The following PCDHGA5 variants were observed in gnomAD, a reference collection of about 807,000 sequenced individuals.
PCDHGA5 encodes protocadherin gamma-A5.
In PCDHGA5, 36 loss-of-function variants were observed where a neutral mutation model predicts 56.7. The ratio of observed to expected loss-of-function variants is 0.64; its 90% CI spans 0.49 to 0.84. PCDHGA5 has a LOEUF of 0.84. Ranked by LOEUF, PCDHGA5 falls within the 40% of genes least tolerant of loss-of-function variation. The pLI is 0.00. For synonymous variants in PCDHGA5, 563 were observed against 520.2 expected (o/e 1.08, Z -1.12); for missense variants, 1,305 against 1,201.5 (o/e 1.09, Z -1.27).
chr5:141,365,469 G>T lies in PCDHGA5; in HGVS notation c.1139G>T (p.Gly380Val), dbSNP rs1162637484. The part of the protein sequence containing the change: ...SVHDGDSGEN[G>V]EIACSIPRNL... ...CATGATGGTGATTCTGGAGAAAATG[G>T]TGAGATTGCATGCTCTATTCCTAGG... The change falls in exon 1 of 4, where the codon GGT (glycine) becomes GTT (valine). Residue 380 changes from glycine to valine, a missense_variant. Coordinates refer to ENST00000518069, the MANE Select transcript of PCDHGA5 (RefSeq NM_018918.3). 6.2e-7 allele frequency: 1 copy of T among 1,614,010 alleles called. No homozygotes were observed. Among genetic ancestry groups the T allele is most frequent in the South Asian group, 1.1e-5 (1 of 91,080 alleles).
At chr5:141,422,272 A>G in intron 1 of PCDHGA5, 1 of 1,561,362 alleles carries the variant, frequency 6.4e-7, no homozygotes, top group Non-Finnish European at 8.6e-7. Context: ...TCCAGAAATA[A>G]CTATCACCTC....
rs529029548 is a variant in PCDHGA5 at position 141,483,337 on chromosome 5, T to C, written c.2422-11470T>C. 9.2e-5 allele frequency among the ~76,000 whole-genome samples: 14 copies of C among 152,260 alleles called. No homozygotes were observed. In the East Asian group the frequency reaches 2.5e-3, roughly 27 times the overall value. On this transcript the variant is annotated intron_variant, in intron 1 of 3. Transcript: ENST00000518069. Reference sequence around the variant, plus strand: ...TGGGACTGGAGGCAAAGAGATCTTATCTCTTTGCAATAGTTTGAAAGCTAT... The same window carrying C: ...TGGGACTGGAGGCAAAGAGATCTTACCTCTTTGCAATAGTTTGAAAGCTAT...
At chr5:141,393,251 G>C in intron 1 of PCDHGA5, 1 of 1,613,814 alleles carries the variant, frequency 6.2e-7, no homozygotes, top group South Asian at 1.1e-5. Flanking sequence ...ACGAAATCGC[G>C]GTTCCTGGAG....
intron 1 of PCDHGA5, chr5:141,413,902 G>A: frequency 1.9e-6 from 3 of 1,613,252 alleles, no homozygotes; most frequent in East Asian, 2.2e-5. Flanking sequence ...AAATGACAAC[G>A]CGCCGGTCTT....
Position 141,409,297 on chromosome 5 carries a change from T to TGTGAATG in PCDHGA5, c.2421+42548_2421+42549insGAATGGT, listed in dbSNP as rs774936669. On this transcript the variant is annotated intron_variant, in intron 1 of 3. Transcript: ENST00000518069. ...TGGAGAATTCACCTCCAGGAATGGT[T>TGTGAATG]GTTGCCCTCTTCAAAACACGGGATC... The TGTGAATG allele has an allele frequency of 1.3e-5, 21 of 1,613,888 alleles. No homozygotes were observed. In the African/African-American group the frequency reaches 2.7e-4, roughly 21 times the overall value.
chr5:141,421,353 G>C, intron 1 of PCDHGA5: 1 of 1,613,998 alleles, frequency 6.2e-7, no homozygotes, highest in Non-Finnish European at 8.5e-7. Flanking sequence ...AGACCGAAAA[G>C]GGCTCCTTCG....
intron 1 of PCDHGA5, chr5:141,478,144 G>A (rs2099432883): frequency 6.2e-7 from 1 of 1,613,918 alleles, no homozygotes; most frequent in Non-Finnish European, 8.5e-7. Flanking sequence ...CCCGAGCCGA[G>A]TTCCCCTCTG....
At chr5:141,454,471 A>C (rs774315258) in intron 1 of PCDHGA5, among the ~76,000 whole-genome samples, 7 of 152,198 alleles carry the variant, frequency 4.6e-5, no homozygotes, top group Non-Finnish European at 7.3e-5. Context: ...CAATGGCATG[A>C]TCTCAGCTCA....
At chr5:141,401,815 C>A (rs1217081146) in intron 1 of PCDHGA5, among the ~76,000 whole-genome samples, 1 of 152,184 alleles carries the variant, frequency 6.6e-6, no homozygotes, top group Non-Finnish European at 1.5e-5. Context: ...GGGTTCCTTA[C>A]AAAGTGCTGA....
At chr5:141,366,835 A>C (rs1011938968) in intron 1 of PCDHGA5, 84 bp downstream of exon 1, 2 of 1,511,404 alleles carry the variant, frequency 1.3e-6, no homozygotes, top group Non-Finnish European at 1.8e-6. Flanking sequence ...AGAATCAGCT[A>C]GTTATGTAAA....
intron 1 of PCDHGA5, chr5:141,384,987 G>C (rs775895766): frequency 6.2e-7 from 1 of 1,614,114 alleles, no homozygotes; most frequent in African/African-American, 1.3e-5. Context: ...TGGTGGTGGC[G>C]GTGGCCACAG....
At chr5:141,375,779 G>C (rs749559180) in intron 1 of PCDHGA5, 1 of 1,614,176 alleles carries the variant, frequency 6.2e-7, no homozygotes, top group South Asian at 1.1e-5. Flanking sequence ...CCTGTACCCC[G>C]CCCTCCCCAC....
At chr5:141,478,051 G>A (rs751371411) in intron 1 of PCDHGA5, 2 of 1,614,088 alleles carry the variant, frequency 1.2e-6, no homozygotes, top group East Asian at 2.2e-5. Context: ...AGACTCTCAC[G>A]GTCTTGATCA....
chr5:141,473,377 C>T (rs2099320819), intron 1 of PCDHGA5, among the ~76,000 whole-genome samples: 1 of 152,202 alleles, frequency 6.6e-6, no homozygotes, highest in Admixed American at 6.5e-5. Flanking sequence ...TAGCATGGTC[C>T]CTGCCCTCCT....
chr5:141,376,384 T>G, intron 1 of PCDHGA5: 1 of 1,614,204 alleles, frequency 6.2e-7, no homozygotes, highest in South Asian at 1.1e-5. Flanking sequence ...GTAAGAGTCA[T>G]CTGATTTTCC....
intron 1 of PCDHGA5, among the ~76,000 whole-genome samples, chr5:141,406,468 T>C (rs2094813433): frequency 6.6e-6 from 1 of 152,230 alleles, no homozygotes; most frequent in Admixed American, 6.5e-5. Flanking sequence ...AACACCTCTT[T>C]GAGGTTATAT....
At chr5:141,427,922 G>T (rs949317839) in intron 1 of PCDHGA5, 2 of 1,580,624 alleles carry the variant, frequency 1.3e-6, no homozygotes, top group African/African-American at 1.3e-5. Context: ...ACATGAGCCG[G>T]CGCATGTTGG....
At chr5:141,480,514 C>A (rs1015316945) in intron 1 of PCDHGA5, among the ~76,000 whole-genome samples, 2 of 127,196 alleles carry the variant, frequency 1.6e-5, no homozygotes, top group African/African-American at 7.3e-5. Flanking sequence ...TGAGAACAAC[C>A]AAAAATGACA....
At chr5:141,373,797 C>G (rs1369464661) in intron 1 of PCDHGA5, 1 of 311,662 alleles carries the variant, frequency 3.2e-6, no homozygotes, top group Non-Finnish European at 5.8e-6. Context: ...AAATAAAATC[C>G]TCTGTGTGAT....
Sources: allele counts gnomAD v4.1 joint callset (sites outside exome capture counted in the v4.1 genomes callset), GRCh38; gene constraint gnomAD v4.1.1; transcripts MANE v1.5; gene names NCBI Gene and HGNC (gene_info 2026-07-23, HGNC 2026-07-21).